The following B3GALNT1 variants were observed in gnomAD, a reference collection of about 807,000 sequenced individuals.
The protein encoded by B3GALNT1 is UDP-GalNAc:beta-1,3-N-acetylgalactosaminyltransferase 1.
In B3GALNT1, 17 loss-of-function variants were observed where a neutral mutation model predicts 27.3. That is an observed-to-expected ratio of 0.62 (90% CI 0.43 to 0.94). The LOEUF (loss-of-function observed/expected upper bound fraction) is 0.94. Among genes scored for constraint, B3GALNT1 ranks in the 40% least tolerant of loss-of-function variants. The pLI, the probability that B3GALNT1 is intolerant of heterozygous loss-of-function variation, is 0.00. For missense variants in B3GALNT1, 347 were observed against 390.0 expected (o/e 0.89, Z 0.93); for synonymous variants, 141 against 144.0 (o/e 0.98, Z 0.15).
At chr3:161,099,571 G>C (rs1185323670) in intron 4 of B3GALNT1, among the ~76,000 whole-genome samples, 1 of 152,128 alleles carries the variant, frequency 6.6e-6, no homozygotes, top group Non-Finnish European at 1.5e-5. Context: ...TGGCAGGGAG[G>C]CCAAGTCATT....
In B3GALNT1 at chr3:161,092,763, C is replaced by CTTTTT. The variant is rs33946641; in HGVS notation, c.-34-5980_-34-5976dup. Among the ~76,000 whole-genome samples, 120 of 104,828 alleles carry CTTTTT rather than the reference C, an allele frequency of 1.1e-3. 1 individual carries two copies. Among genetic ancestry groups the CTTTTT allele is most frequent in the Non-Finnish European group, 1.5e-3 (84 of 54,554 alleles). 68.8% of individuals were successfully genotyped at this position (104,828 alleles called of 152,430 possible). On this transcript the variant is annotated intron_variant, in intron 4 of 4. Transcript: ENST00000320474. ...TTACCTTCTCAAAAGTTTCATTTTT[C>CTTTTT]TTTTTTTTTTTTTTTTTTTTTGAGA...
Position 161,085,312 on chromosome 3 carries a change from TGAA to T in B3GALNT1, c.*444_*446del, listed in dbSNP as rs999150945. 4 of 157,844 alleles carry T rather than the reference TGAA, an allele frequency of 2.5e-5. No individual in the cohort carries two copies. The highest frequency in any genetic ancestry group is 4.8e-5 in the African/African-American group (2 of 41,496). 9.8% of individuals were successfully genotyped at this position (157,844 alleles called of 1,614,324 possible). On this transcript the variant is annotated 3_prime_UTR_variant, in exon 5 of 5. Transcript: ENST00000320474. Reference sequence around the variant, plus strand: ...AAAATTTTGTTCAGTATAACTTCAGTGAAGAAGTTTTTTGACACAGAACTACAT... The same window carrying T: ...AAAATTTTGTTCAGTATAACTTCAGTGAAGTTTTTTGACACAGAACTACAT...
chr3:161,104,497 CA>C (rs1317429290), intron 1 of B3GALNT1, 91 bp from the exon 2 acceptor site: 1 of 484,362 alleles, frequency 2.1e-6, no homozygotes, highest in East Asian at 7.0e-5. Flanking sequence ...ATACTGAATT[CA>C]AAGACTACCC....
intron 4 of B3GALNT1, among the ~76,000 whole-genome samples, chr3:161,092,296 G>A (rs1005560999): frequency 1.3e-5 from 2 of 152,100 alleles, no homozygotes; most frequent in African/African-American, 4.8e-5. Context: ...TTTGTATACA[G>A]AACATCAATT....
intron 4 of B3GALNT1, among the ~76,000 whole-genome samples, chr3:161,099,423 T>TGTG (rs1729973337): frequency 6.6e-6 from 1 of 152,196 alleles, no homozygotes; most frequent in Non-Finnish European, 1.5e-5. Context: ...AAAAACCAGC[T>TGTG]GCACAAGGGC....
chr3:161,087,166 G>T (rs1722482162), intron 4 of B3GALNT1, among the ~76,000 whole-genome samples: 1 of 152,116 alleles, frequency 6.6e-6, no homozygotes, highest in Non-Finnish European at 1.5e-5. Context: ...TAAATAAAAT[G>T]TATCTCCTCT....
chr3:161,090,001 G>A (rs1055844884), intron 4 of B3GALNT1: 6 of 246,360 alleles, frequency 2.4e-5, no homozygotes, highest in South Asian at 1.8e-4. Context: ...CCTGAGAGAC[G>A]GAGATTGCAG....
At chr3:161,092,743 T>G (rs1169467547) in intron 4 of B3GALNT1, among the ~76,000 whole-genome samples, 1 of 151,420 alleles carries the variant, frequency 6.6e-6, no homozygotes, top group East Asian at 1.9e-4. Context: ...GTTAGTTACC[T>G]TCTCAAAAGT....
chr3:161,098,750 A>G (rs1729586528), intron 4 of B3GALNT1, among the ~76,000 whole-genome samples: 1 of 152,236 alleles, frequency 6.6e-6, no homozygotes, highest in African/African-American at 2.4e-5. Flanking sequence ...ATGTTAATGC[A>G]TCTGTATTCC....
chr3:161,099,959 G>A (rs1470507151), intron 4 of B3GALNT1, among the ~76,000 whole-genome samples: 1 of 152,200 alleles, frequency 6.6e-6, no homozygotes, highest in Admixed American at 6.5e-5. Flanking sequence ...AACTCATTTG[G>A]TGAAGGGTTT....
chr3:161,091,391 A>C (rs1725024000), intron 4 of B3GALNT1, among the ~76,000 whole-genome samples: 1 of 152,228 alleles, frequency 6.6e-6, no homozygotes, highest in South Asian at 2.1e-4. Flanking sequence ...TACAGTCTGG[A>C]AATATTAAGT....
At chr3:161,093,996 G>A (rs1183298398) in intron 4 of B3GALNT1, among the ~76,000 whole-genome samples, 1 of 152,134 alleles carries the variant, frequency 6.6e-6, no homozygotes, top group Non-Finnish European at 1.5e-5. Flanking sequence ...TGATTTAGGG[G>A]TTGATCTGCA....
At chr3:161,090,359 AAAT>A (rs1212559812) in intron 4 of B3GALNT1, among the ~76,000 whole-genome samples, 1 of 152,178 alleles carries the variant, frequency 6.6e-6, no homozygotes, top group Non-Finnish European at 1.5e-5. Flanking sequence ...TGAATGTTTC[AAAT>A]AATATTATTA....
rs571715435 is a variant in B3GALNT1 at position 161,102,882 on chromosome 3, G to C, written c.-130+545C>G. Among the ~76,000 whole-genome samples, 205 of 152,306 alleles carry C rather than the reference G, an allele frequency of 1.3e-3. 1 individual carries two copies. The highest frequency in any genetic ancestry group is 4.8e-3 in the African/African-American group (198 of 41,554). On this transcript the variant is annotated intron_variant, in intron 3 of 4. Coordinates refer to ENST00000320474, the MANE Select transcript of B3GALNT1 (RefSeq NM_003781.4). ...CAATGGTGGATGGAACAAAGCTGGAGGCTGGGCACAAGAAGAAGAGACATC... is the reference window on the plus strand; with the variant it reads ...CAATGGTGGATGGAACAAAGCTGGACGCTGGGCACAAGAAGAAGAGACATC...
At position 161,084,659 on chromosome 3, in the gene B3GALNT1, A is replaced by G. The variant is rs1720857516; in HGVS notation, c.*1100T>C. 6.6e-6 allele frequency: 1 copy of G among 152,202 alleles called. No individual in the cohort carries two copies. Among genetic ancestry groups the G allele is most frequent in the South Asian group, 2.1e-4 (1 of 4,828 alleles). 9.4% of individuals were successfully genotyped at this position (152,202 alleles called of 1,614,324 possible). Reference sequence around the variant, plus strand: ...AAATTTAAATCGGATTTGACTTTACATATTAGGGCTTTCATCTTGATGAGA... The same window carrying G: ...AAATTTAAATCGGATTTGACTTTACGTATTAGGGCTTTCATCTTGATGAGA... On this transcript the variant is annotated 3_prime_UTR_variant, in exon 5 of 5. Coordinates refer to ENST00000320474, the MANE Select transcript of B3GALNT1 (RefSeq NM_003781.4).
At chr3:161,095,226 G>A (rs1727488175) in intron 4 of B3GALNT1, among the ~76,000 whole-genome samples, 1 of 152,126 alleles carries the variant, frequency 6.6e-6, no homozygotes, top group Admixed American at 6.5e-5. Context: ...CTGGTTGTTG[G>A]AAAGGCTGGC....
chr3:161,095,208 C>A (rs555241690), intron 4 of B3GALNT1, among the ~76,000 whole-genome samples: 1 of 152,250 alleles, frequency 6.6e-6, no homozygotes, highest in African/African-American at 2.4e-5. Context: ...GCCCCTCCAA[C>A]CAAAAAGCTG....
chr3:161,086,018 G>A lies in B3GALNT1; in HGVS notation c.737C>T (p.Ser246Phe). ...ATAGATCCTTGGCACCAAATCTCTG[G>A]ACATTATATAACCCAACCCACTGCA... ...PYCSGLGYIMSRDLVPRIYEM... is the reference protein window; with the variant it reads ...PYCSGLGYIMFRDLVPRIYEM... The change falls in exon 5 of 5, where the codon TCC (serine) becomes TTC (phenylalanine). Residue 246 changes from serine (S) to phenylalanine (F), a missense_variant. Coordinates refer to ENST00000320474, the MANE Select transcript of B3GALNT1 (RefSeq NM_003781.4). 1 of 1,587,340 alleles carries A rather than the reference G, an allele frequency of 6.3e-7. No homozygotes were observed. The highest frequency in any genetic ancestry group is 8.6e-7 in the Non-Finnish European group (1 of 1,168,890).
intron 4 of B3GALNT1, among the ~76,000 whole-genome samples, chr3:161,091,289 T>C (rs1724963045): frequency 6.6e-6 from 1 of 151,994 alleles, no homozygotes; most frequent in Admixed American, 6.6e-5. Flanking sequence ...ATAAATAATT[T>C]AAAAATTTTT....
Sources: allele counts gnomAD v4.1 joint callset (sites outside exome capture counted in the v4.1 genomes callset), GRCh38; gene constraint gnomAD v4.1.1; transcripts MANE v1.5; gene names NCBI Gene and HGNC (gene_info 2026-07-23, HGNC 2026-07-21).